RCBTB1: variants seen among roughly 807,000 people sequenced by gnomAD.
RCBTB1 encodes RCC1 and BTB domain containing protein 1, also known as RCC1 and BTB domain-containing protein 1.
A neutral mutation model predicts 62.4 loss-of-function variants in RCBTB1; 46 were observed. The observed-to-expected ratio is 0.74, with a 90% CI of 0.58 to 0.94. RCBTB1 has a LOEUF of 0.94. RCBTB1 is among the 40% of genes least tolerant of loss of function. The pLI is 0.00. For synonymous variants in RCBTB1, 222 were observed against 245.8 expected, an observed-to-expected ratio of 0.90 and a Z score of 0.91; for missense variants, 565 against 654.9, an observed-to-expected ratio of 0.86 and a Z score of 1.50.
chr13:49,576,910 A>C (rs952207929), intron 2 of RCBTB1, among the ~76,000 whole-genome samples: 4 of 152,176 alleles, frequency 2.6e-5, no homozygotes, highest in Non-Finnish European at 5.9e-5. Context: ...CAAAAATGCA[A>C]GCAGAGGTAG....
chr13:49,562,881 T>A (rs1414757305), intron 4 of RCBTB1, among the ~76,000 whole-genome samples: 1 of 144,362 alleles, frequency 6.9e-6, no homozygotes, highest in Admixed American at 7.3e-5. Flanking sequence ...TGCCTTGGCT[T>A]CCCAAAGTGC....
intron 12 of RCBTB1, among the ~76,000 whole-genome samples, chr13:49,536,007 G>A (rs537552055): frequency 1.7e-4 from 25 of 148,232 alleles, no homozygotes; most frequent in Admixed American, 4.7e-4. Context: ...TGGGAGACAG[G>A]AGTGAAACTC....
intron 9 of RCBTB1, among the ~76,000 whole-genome samples, chr13:49,548,814 G>A (rs1961051074): frequency 6.6e-6 from 1 of 150,642 alleles, no homozygotes; most frequent in Admixed American, 6.6e-5. Flanking sequence ...AATGGAGTGT[G>A]ACTAATTAAC....
intron 9 of RCBTB1, among the ~76,000 whole-genome samples, chr13:49,548,193 C>T (rs1960988342): frequency 6.6e-6 from 1 of 151,812 alleles, no homozygotes; most frequent in Admixed American, 6.6e-5. Flanking sequence ...AGTTCCTGAC[C>T]AGCCTGATCA....
At chr13:49,549,905 G>A in intron 8 of RCBTB1, 1 of 985,346 alleles carries the variant, frequency 1.0e-6, no homozygotes, top group Non-Finnish European at 1.2e-6. Context: ...GGAAAACTTG[G>A]AAAACAGACC....
intron 9 of RCBTB1, among the ~76,000 whole-genome samples, chr13:49,548,262 C>T (rs7990896): frequency 0.24 from 36,300 of 151,510 alleles, 5,664 homozygotes; most frequent in African/African-American, 0.44. Context: ...CATGGTGGCA[C>T]GCGCCTGTAA....
chr13:49,570,101 A>C (rs752823813), intron 2 of RCBTB1, among the ~76,000 whole-genome samples: 3 of 152,214 alleles, frequency 2.0e-5, no homozygotes, highest in Non-Finnish European at 2.9e-5. Flanking sequence ...TTAGCCTTCA[A>C]AATGTTTAAT....
At chr13:49,566,241 A>C (rs1962992953) in intron 4 of RCBTB1, among the ~76,000 whole-genome samples, 1 of 151,314 alleles carries the variant, frequency 6.6e-6, no homozygotes, top group Non-Finnish European at 1.5e-5. Flanking sequence ...TGCGAGAAAC[A>C]CCCAAGAATG....
At chr13:49,564,583 C>CAAAAAAAAAAAAAAA (rs10710755) in intron 4 of RCBTB1, among the ~76,000 whole-genome samples, 1 of 39,320 alleles carries the variant, frequency 2.5e-5, no homozygotes, top group African/African-American at 1.3e-4. Context: ...GACTCCTTCT[C>CAAAAAAAAAAAAAAA]AAAAAAAAAA....
chr13:49,552,135 A>G, intron 7 of RCBTB1, 43 bp downstream of exon 7: 1 of 1,244,158 alleles, frequency 8.0e-7, no homozygotes, highest in Non-Finnish European at 1.2e-6. Flanking sequence ...TAGAGCAAGG[A>G]AGGTAGATGG....
In RCBTB1 at chr13:49,567,003, GAA is replaced by G. The variant is rs1963066135; in HGVS notation, c.126+149_126+150del. 6.4e-6 allele frequency: 5 copies of G among 780,328 alleles called. No homozygotes were observed. The South Asian group carries it at 7.9e-5, about 12-fold the overall frequency. The allele number at this position is 780,328 out of a possible 1,614,324, so 48.3% of individuals were successfully genotyped here. On this transcript the variant is annotated intron_variant, in intron 3 of 12. Coordinates refer to ENST00000378302, the MANE Select transcript of RCBTB1 (RefSeq NM_018191.4). ...TAGACGGGTATTAAATCAAGAAACT[GAA>G]AAAAGAGAAACTATCAAAGCCATAG...
intron 9 of RCBTB1, chr13:49,546,303 A>C: frequency 1.0e-6 from 1 of 984,886 alleles, no homozygotes; most frequent in Non-Finnish European, 1.2e-6. Context: ...CTTTCCGTCT[A>C]ACACTCAGAT....
intron 1 of RCBTB1, among the ~76,000 whole-genome samples, chr13:49,581,052 A>G (rs1964065539): frequency 6.6e-6 from 1 of 152,196 alleles, no homozygotes; most frequent in Admixed American, 6.5e-5. Flanking sequence ...GGAGGAACTG[A>G]AAGAAAGTCA....
intron 1 of RCBTB1, among the ~76,000 whole-genome samples, chr13:49,583,953 T>C (rs1235391257): frequency 2.6e-5 from 4 of 152,212 alleles, no homozygotes; most frequent in Non-Finnish European, 4.4e-5. Flanking sequence ...TCCTTTCCTA[T>C]GCATGACTTA....
At chr13:49,555,405 C>T (rs150747637) in intron 6 of RCBTB1, 110 bp downstream of exon 6, 15 of 955,534 alleles carry the variant, frequency 1.6e-5, no homozygotes, top group South Asian at 1.0e-4. Context: ...AATGGAGCTA[C>T]CAAAACAAAG....
At chr13:49,547,167 A>G in intron 9 of RCBTB1, 1 of 1,195,280 alleles carries the variant, frequency 8.4e-7, no homozygotes, top group African/African-American at 2.1e-5. Flanking sequence ...CAATCACAAT[A>G]CTCACTGCAA....
intron 5 of RCBTB1, 126 bp from the exon 6 acceptor site, chr13:49,555,799 T>G: frequency 1.4e-6 from 1 of 719,006 alleles, no homozygotes; most frequent in Middle Eastern, 4.0e-4. Flanking sequence ...AACGGTTCTA[T>G]ATGCTTTACA....
chr13:49,554,058 C>T (rs944810988), intron 6 of RCBTB1, among the ~76,000 whole-genome samples: 1 of 152,160 alleles, frequency 6.6e-6, no homozygotes, highest in Non-Finnish European at 1.5e-5. Flanking sequence ...TGATGGAAAG[C>T]CGCATAAATG....
Position 49,551,454 on chromosome 13 carries a change from G to GT in RCBTB1, c.725dup (p.Tyr242Ter). Residue 242 changes from tyrosine to a stop codon, truncating the protein, a stop_gained and frameshift_variant, in exon 8 of 13, where the codon TAC becomes TAAC. Transcript: ENST00000378302. LOFTEE classifies it high-confidence loss of function. Reference sequence around the variant, plus strand: ...CATCTGTTAGTGCTAGAGTATGTGCGTAACCGCAGACAATCTGCAAGTAAA... The same window carrying GT: ...CATCTGTTAGTGCTAGAGTATGTGCGTTAACCGCAGACAATCTGCAAGTAAA... ...SVCVNQIVCG[Y>*]AHTLALTDEG... 6.2e-7 allele frequency: 1 copy of GT among 1,614,060 alleles called. No homozygotes were observed. The highest frequency in any genetic ancestry group is 1.1e-5 in the South Asian group (1 of 91,054).
Sources: gnomAD v4.1 joint callset for allele counts (sites outside exome capture counted in the v4.1 genomes callset) on GRCh38, gnomAD v4.1.1 for gene constraint, MANE v1.5 for transcripts, NCBI Gene and HGNC (gene_info 2026-07-23, HGNC 2026-07-21) for gene names.